Variants in COX15 observed in about 807,000 individuals in gnomAD.
COX15 encodes the protein heme A synthase COX15.
In COX15, 51 loss-of-function variants were observed where a neutral mutation model predicts 51.9. The observed-to-expected ratio is 0.98, with a 90% CI of 0.78 to 1.24. The LOEUF (loss-of-function observed/expected upper bound fraction) is 1.24. COX15 is among the 50% of genes most tolerant of loss of function. The pLI is 0.00. For synonymous variants in COX15, 188 were observed against 190.5 expected (o/e 0.99, Z 0.11); for missense variants, 420 against 501.1 (o/e 0.84, Z 1.55).
chr10:99,709,944 C>T, downstream of COX15: 1 of 985,414 alleles, frequency 1.0e-6, no homozygotes, highest in Non-Finnish European at 1.2e-6. Context: ...ATTACTCATA[C>T]TACAAGGGCT....
the COX15 span, among the ~76,000 whole-genome samples, chr10:99,694,429 T>C: frequency 6.6e-6 from 1 of 152,198 alleles, no homozygotes; most frequent in African/African-American, 2.4e-5. Flanking sequence ...ATTTTGTTTA[T>C]CCATTTATCA....
the COX15 span, chr10:99,698,870 A>G: frequency 4.4e-6 from 7 of 1,577,166 alleles, no homozygotes; most frequent in East Asian, 6.7e-5. Flanking sequence ...TAAATTATTA[A>G]TGATAAACAT....
At chr10:99,718,243 T>C (rs202195294) in intron 7 of COX15, 103 bp downstream of exon 7, 2 of 1,267,228 alleles carry the variant, frequency 1.6e-6, no homozygotes, top group Non-Finnish European at 2.3e-6. Flanking sequence ...GAAATATAGT[T>C]CCTGCTCTAC....
rs1289348774 is a variant in COX15 at position 99,727,704 on chromosome 10, C to CTGTTA, written c.273-146_273-142dup. ...TTGTTTCCTCTTTTGAGACATTTCT[C>CTGTTA]TGTTACTGCTTGGAATTTTGTCAGA... On this transcript the variant is annotated intron_variant, in intron 2 of 8. Transcript: ENST00000016171. 2.8e-6 allele frequency: 3 copies of CTGTTA among 1,059,132 alleles called. No homozygotes were observed. In the East Asian group the frequency reaches 7.1e-5, roughly 25 times the overall value. 65.6% of individuals were successfully genotyped at this position (1,059,132 alleles called of 1,614,324 possible).
Position 99,718,413 on chromosome 10 carries a change from G to T in COX15, c.920C>A (p.Thr307Asn). The T allele has an allele frequency of 6.2e-7, 1 of 1,614,072 alleles. No homozygotes were observed. Among genetic ancestry groups the T allele is most frequent in the Non-Finnish European group, 8.5e-7 (1 of 1,179,980 alleles). The change falls in exon 7 of 9, where the codon ACC (threonine) becomes AAC (asparagine). Residue 307 changes from threonine (T) to asparagine (N), a missense_variant. Coordinates refer to ENST00000016171, the MANE Select transcript of COX15 (RefSeq NM_078470.6). ...AACATTCCTCAGGATGGGGGAGAAGGTAAAGAGGTCCTCCGGGATCCAGGA... is the reference window on the plus strand; with the variant it reads ...AACATTCCTCAGGATGGGGGAGAAGTTAAAGAGGTCCTCCGGGATCCAGGA... The part of the protein sequence containing the change: ...GESWIPEDLF[T>N]FSPILRNVFE...
chr10:99,702,409 T>A, the COX15 span: 2 of 958,404 alleles, frequency 2.1e-6, no homozygotes, highest in Non-Finnish European at 3.0e-6. Flanking sequence ...CGGGAGGAGG[T>A]AGGTCTTTTA....
At chr10:99,710,191 C>A, downstream of COX15, 2 of 985,428 alleles carry the variant, frequency 2.0e-6, no homozygotes, top group Non-Finnish European at 2.4e-6. Context: ...GCCCCTCCTA[C>A]AGAGCACTTG....
chr10:99,695,820 CTA>C, the COX15 span: 1 of 749,890 alleles, frequency 1.3e-6, no homozygotes, highest in Non-Finnish European at 2.0e-6. Context: ...TAAAATAATG[CTA>C]TGAGGATGAA....
chr10:99,707,199 C>G, downstream of COX15, among the ~76,000 whole-genome samples: 1 of 152,192 alleles, frequency 6.6e-6, no homozygotes, highest in East Asian at 1.9e-4. Context: ...CTGTTCATTA[C>G]TTTAATATTA....
chr10:99,719,218 TTTTC>T (rs1430443517), intron 6 of COX15, among the ~76,000 whole-genome samples: 1 of 152,152 alleles, frequency 6.6e-6, no homozygotes, highest in African/African-American at 2.4e-5. Context: ...ACACTCGCTT[TTTTC>T]TTTCTTTTTT....
chr10:99,696,138 G>A, the COX15 span: 1 of 1,611,796 alleles, frequency 6.2e-7, no homozygotes, highest in African/African-American at 1.3e-5. Context: ...TTTGATATGG[G>A]ATCTGAGTTT....
At position 99,714,568 on chromosome 10, in the gene COX15, G is replaced by C; in HGVS notation, c.*19C>G. 1.2e-6 allele frequency: 2 copies of C among 1,613,936 alleles called. No individual in the cohort carries two copies. Among genetic ancestry groups the C allele is most frequent in the Non-Finnish European group, 1.7e-6 (2 of 1,179,940 alleles). On this transcript the variant is annotated 3_prime_UTR_variant, in exon 9 of 9. Transcript: ENST00000016171. Reference sequence around the variant, plus strand: ...CTCTCAAAAGCAGTCACAGTCCCAGGAGGCTGGTCCTCTAAGAATCATTTT... The same window carrying C: ...CTCTCAAAAGCAGTCACAGTCCCAGCAGGCTGGTCCTCTAAGAATCATTTT...
In COX15 at chr10:99,711,180, T is replaced by A; in HGVS notation, c.*3407A>T. The stretch of plus-strand genomic sequence containing the variant: ...ATATAGCTAAATGCAACCAGTTGTT[T>A]TTCCAAATGTACTCATCATCTGTAA... On this transcript the variant is annotated 3_prime_UTR_variant, in exon 9 of 9. Coordinates refer to ENST00000016171, the MANE Select transcript of COX15 (RefSeq NM_078470.6). 1.0e-6 allele frequency: 1 copy of A among 985,406 alleles called. No homozygotes were observed. Among genetic ancestry groups the A allele is most frequent in the Non-Finnish European group, 1.2e-6 (1 of 829,884 alleles). 61.0% of individuals were successfully genotyped at this position (985,406 alleles called of 1,614,324 possible).
the COX15 span, among the ~76,000 whole-genome samples, chr10:99,698,107 A>G: frequency 1.3e-5 from 2 of 152,152 alleles, no homozygotes; most frequent in East Asian, 1.9e-4. Flanking sequence ...CACATGGGCC[A>G]CTGCCGTGGT....
chr10:99,724,982 T>C (rs2036904202), intron 4 of COX15, among the ~76,000 whole-genome samples: 1 of 152,238 alleles, frequency 6.6e-6, no homozygotes, highest in African/African-American at 2.4e-5. Flanking sequence ...AAACCTGCAG[T>C]TGAATGCCAA....
Position 99,716,471 on chromosome 10 carries a change from A to C in COX15, c.988-10T>G. 6.3e-7 allele frequency: 1 copy of C among 1,576,036 alleles called. No individual in the cohort carries two copies. The highest frequency in any genetic ancestry group is 8.7e-7 in the Non-Finnish European group (1 of 1,145,838). ...TGACTGAAGTGATTCCCTGCAGGGA[A>C]GAAAGAGTCTATCACATTAGATAGA... On this transcript the variant is annotated splice_polypyrimidine_tract_variant and intron_variant, in intron 7 of 8. Transcript: ENST00000016171.
the COX15 span, chr10:99,704,814 A>T: frequency 1.2e-6 from 1 of 823,210 alleles, no homozygotes; most frequent in Non-Finnish European, 1.9e-6. Flanking sequence ...TTTCTACTTT[A>T]CTTTCTACCG....
chr10:99,711,916 T>G lies in COX15; in HGVS notation c.*2671A>C. On this transcript the variant is annotated 3_prime_UTR_variant, in exon 9 of 9. Coordinates refer to ENST00000016171, the MANE Select transcript of COX15 (RefSeq NM_078470.6). ...CTGTATAGGAAGCATGGCGCTGGCA[T>G]CTGCTTCTGGTGAGGGCCTCACGAA... The G allele has an allele frequency of 3.8e-6, 3 of 788,854 alleles. No homozygotes were observed. Among genetic ancestry groups the G allele is most frequent in the Non-Finnish European group, 4.6e-6 (3 of 650,674 alleles). The allele number at this position is 788,854 out of a possible 1,614,324, so 48.9% of individuals were successfully genotyped here.
chr10:99,702,545 A>G, the COX15 span: 1 of 1,606,194 alleles, frequency 6.2e-7, no homozygotes, highest in Non-Finnish European at 8.5e-7. Context: ...GGATGTACCA[A>G]GTCTTACATG....
Sources: allele counts gnomAD v4.1 joint callset (sites outside exome capture counted in the v4.1 genomes callset), GRCh38; gene constraint gnomAD v4.1.1; transcripts MANE v1.5; gene names NCBI Gene and HGNC (gene_info 2026-07-23, HGNC 2026-07-21).